CHD2: variants seen among roughly 807,000 people sequenced by gnomAD.
The protein encoded by CHD2 is ATP-dependent chromatin remodeler CHD2.
A neutral mutation model predicts 243.9 loss-of-function variants in CHD2; 28 were observed. The observed-to-expected ratio is 0.11, with a 90% CI of 0.09 to 0.16. CHD2 has a LOEUF of 0.16. CHD2 is among the 10% of genes least tolerant of loss of function. CHD2 has a pLI of 1.00. For synonymous variants in CHD2, 775 were observed against 779.0 expected (o/e 0.99, Z 0.09); for missense variants, 1,386 against 2,209.8 (o/e 0.63, Z 7.47).
intron 26 of CHD2, among the ~76,000 whole-genome samples, chr15:92,989,039 T>C (rs1411051754): frequency 6.8e-6 from 1 of 146,036 alleles, no homozygotes; most frequent in Non-Finnish European, 1.5e-5. Flanking sequence ...TTTTTTTTTT[T>C]TTTTTTTTTG....
At chr15:92,999,083 CAAAAAAAAAAAAAAAAA>C (rs55738843) in intron 31 of CHD2, among the ~76,000 whole-genome samples, 2 of 65,542 alleles carry the variant, frequency 3.1e-5, no homozygotes, top group Non-Finnish European at 5.3e-5. Flanking sequence ...GACTCCGTCT[CAAAAAAAAAAAAAAAAA>C]AAAAAAAAAA....
rs578203092 is a variant in CHD2, at chr15:92,939,884, A to G, written c.692+166A>G. The stretch of plus-strand genomic sequence containing the variant: ...TTAGCTTTCTTGCAAAAAGAGTGGT[A>G]TTGAGCCAAGGGGAATAGGAAAAGA... On this transcript the variant is annotated intron_variant, in intron 7 of 38. Transcript: ENST00000394196. Among the ~76,000 whole-genome samples the G allele has an allele frequency of 2.0e-5, 3 of 152,330 alleles. No individual in the cohort carries two copies. The South Asian group carries it at 6.2e-4, about 32-fold the overall frequency.
At chr15:93,011,026 C>A (rs776349740) in intron 35 of CHD2, among the ~76,000 whole-genome samples, 12 of 151,626 alleles carry the variant, frequency 7.9e-5, no homozygotes, top group Non-Finnish European at 1.5e-4. Context: ...CTTTTTTTTC[C>A]GCTTAACACT....
chr15:92,968,515 A>C (rs1316737798), intron 17 of CHD2, among the ~76,000 whole-genome samples: 1 of 152,178 alleles, frequency 6.6e-6, no homozygotes, highest in African/African-American at 2.4e-5. Context: ...TTGTGATGTT[A>C]GTGACTAACG....
chr15:92,915,300 AGT>A (rs1038118820), intron 2 of CHD2, among the ~76,000 whole-genome samples: 2 of 151,726 alleles, frequency 1.3e-5, no homozygotes, highest in Non-Finnish European at 2.9e-5. Flanking sequence ...TTTGAGACAG[AGT>A]CTCGCTCTGT....
intron 2 of CHD2, among the ~76,000 whole-genome samples, chr15:92,915,827 A>G (rs1413353276): frequency 6.6e-6 from 1 of 152,176 alleles, no homozygotes; most frequent in Non-Finnish European, 1.5e-5. Context: ...TTTTTCCTAA[A>G]TAAGATAGCT....
At chr15:92,953,321 G>A (rs374615163) in intron 13 of CHD2, 36 bp from the exon 14 acceptor site, 4 of 1,580,574 alleles carry the variant, frequency 2.5e-6, no homozygotes, top group Admixed American at 1.7e-5. Flanking sequence ...GTGAACTAAT[G>A]ATTTTTTTGT....
intron 10 of CHD2, 46 bp from the exon 11 acceptor site, chr15:92,945,772 ATTC>A (rs775318766): frequency 3.2e-6 from 4 of 1,250,150 alleles, no homozygotes; most frequent in African/African-American, 1.5e-5. Flanking sequence ...AAAATCTTTC[ATTC>A]TTCATTGTGT....
At chr15:93,009,548 T>A (rs962781671) in intron 35 of CHD2, among the ~76,000 whole-genome samples, 3 of 152,246 alleles carry the variant, frequency 2.0e-5, no homozygotes, top group Admixed American at 6.5e-5. Context: ...ATTTATTTTA[T>A]GAGAGAAAGA....
intron 38 of CHD2, among the ~76,000 whole-genome samples, chr15:93,022,339 G>A (rs11638126): frequency 0.17 from 25,809 of 152,068 alleles, 2,950 homozygotes; most frequent in Non-Finnish European, 0.26. Flanking sequence ...CAGCTCTCAC[G>A]TGAACTCAGA....
chr15:92,909,321 C>G (rs1016662251), intron 2 of CHD2, among the ~76,000 whole-genome samples: 1 of 152,004 alleles, frequency 6.6e-6, no homozygotes, highest in African/African-American at 2.4e-5. Context: ...CTTCCTTTCC[C>G]TTGGGTTTAT....
chr15:92,990,360 A>G (rs1295283277), intron 26 of CHD2, among the ~76,000 whole-genome samples: 1 of 152,166 alleles, frequency 6.6e-6, no homozygotes, highest in Non-Finnish European at 1.5e-5. Context: ...TTGCTGAGCC[A>G]TTTTCTTGAA....
chr15:92,939,849 A>C, intron 7 of CHD2, 131 bp downstream of exon 7: 4 of 995,874 alleles, frequency 4.0e-6, no homozygotes, highest in Non-Finnish European at 5.8e-6. Flanking sequence ...AGTTGTTTTC[A>C]GAAATCTGGT....
chr15:93,019,795 A>G (rs575765797), intron 37 of CHD2, among the ~76,000 whole-genome samples: 69 of 152,184 alleles, frequency 4.5e-4, no homozygotes, highest in Non-Finnish European at 8.2e-4. Context: ...TTGGGCAGGC[A>G]TGGTGGCGGG....
intron 2 of CHD2, among the ~76,000 whole-genome samples, chr15:92,913,775 C>G (rs2052785227): frequency 6.6e-6 from 1 of 152,130 alleles, no homozygotes; most frequent in Non-Finnish European, 1.5e-5. Flanking sequence ...TTGCTTGAGT[C>G]CAAGAGCTTG....
intron 2 of CHD2, among the ~76,000 whole-genome samples, chr15:92,906,576 A>C (rs188084434): frequency 6.6e-6 from 1 of 152,166 alleles, no homozygotes; most frequent in Admixed American, 6.5e-5. Flanking sequence ...TTTCTCCCAT[A>C]AAATTTGATA....
intron 2 of CHD2, among the ~76,000 whole-genome samples, chr15:92,912,610 T>G (rs945307260): frequency 6.6e-6 from 1 of 152,246 alleles, no homozygotes; most frequent in African/African-American, 2.4e-5. Context: ...CTTGGCTCAC[T>G]GCAGCCTCCA....
At chr15:93,018,323 G>A (rs2054488240) in intron 37 of CHD2, among the ~76,000 whole-genome samples, 1 of 152,238 alleles carries the variant, frequency 6.6e-6, no homozygotes, top group South Asian at 2.1e-4. Flanking sequence ...GCCACTGGTG[G>A]ACTGTACATC....
rs1365608167 is a variant in CHD2 at position 93,020,126 on chromosome 15, A to G, written c.5021A>G (p.His1674Arg). ...QYEQHWYKDH[H>R]YGDRRHMDAH... ...GAGCAGCACTGGTACAAGGACCACCATTATGGGGACCGGCGACATATGGAT... is the reference window on the plus strand; with the variant it reads ...GAGCAGCACTGGTACAAGGACCACCGTTATGGGGACCGGCGACATATGGAT... The change falls in exon 38 of 39, where the codon CAT becomes CGT. Residue 1674 changes from histidine to arginine, a missense_variant. This residue lies in a region of CHD2 where 347 missense variants were observed against 341.6 expected (regional missense o/e 1.02). Transcript: ENST00000394196. 1 of 1,614,050 alleles carries G rather than the reference A, an allele frequency of 6.2e-7. No homozygotes were observed.
Sources: allele counts gnomAD v4.1 joint callset (sites outside exome capture counted in the v4.1 genomes callset), GRCh38; gene constraint gnomAD v4.1.1; regional missense constraint gnomAD v4.1.1; transcripts MANE v1.5; gene names NCBI Gene and HGNC (gene_info 2026-07-23, HGNC 2026-07-21).